Variants in KHDC1 observed in about 807,000 individuals in gnomAD.
KHDC1 encodes KH domain containing 1.
In KHDC1, 21 loss-of-function variants were observed where a neutral mutation model predicts 24.7. The observed-to-expected ratio is 0.85, with a 90% CI of 0.60 to 1.23. The LOEUF (loss-of-function observed/expected upper bound fraction) is 1.23, where lower values mean the gene tolerates loss of function less well. Among genes scored for constraint, KHDC1 ranks in the 50% most tolerant of loss-of-function variants. The pLI, the probability that KHDC1 is intolerant of heterozygous loss-of-function variation, is 0.00. For synonymous variants in KHDC1, 98 were observed against 111.7 expected (o/e 0.88, Z 0.77); for missense variants, 274 against 298.5 (o/e 0.92, Z 0.61).
intron 2 of KHDC1, among the ~76,000 whole-genome samples, chr6:73,256,777 T>G (rs1302142465): frequency 6.6e-6 from 1 of 152,218 alleles, no homozygotes; most frequent in African/African-American, 2.4e-5. Context: ...GCTTTTAAGA[T>G]AAGTTTCAAT....
intron 2 of KHDC1, among the ~76,000 whole-genome samples, chr6:73,287,075 T>C (rs1051371118): frequency 3.3e-5 from 5 of 152,276 alleles, no homozygotes; most frequent in Admixed American, 1.3e-4. Flanking sequence ...AAAGTGAGTA[T>C]GCTATAGACT....
chr6:73,295,328 T>C (rs1430075204), intron 1 of KHDC1, among the ~76,000 whole-genome samples: 2 of 152,164 alleles, frequency 1.3e-5, no homozygotes, highest in African/African-American at 2.4e-5. Flanking sequence ...TCCTGCAGAC[T>C]CGAGAGCCAA....
At chr6:73,285,884 A>C (rs950329869) in intron 2 of KHDC1, among the ~76,000 whole-genome samples, 2 of 152,100 alleles carry the variant, frequency 1.3e-5, no homozygotes, top group African/African-American at 4.8e-5. Flanking sequence ...TAGCCACCAG[A>C]TGGAGCTCAA....
At chr6:73,290,788 G>C (rs1767634973) in intron 2 of KHDC1, 2 of 340,366 alleles carry the variant, frequency 5.9e-6, no homozygotes, top group Admixed American at 3.8e-5. Context: ...ACTGATTCTA[G>C]GGCTAACTAT....
At chr6:73,257,648 C>T (rs191871073) in intron 2 of KHDC1, among the ~76,000 whole-genome samples, 221 of 152,046 alleles carry the variant, frequency 1.5e-3, no homozygotes, top group Non-Finnish European at 2.6e-3. Flanking sequence ...CCACCTGCCT[C>T]GGCCTCCCAA....
chr6:73,309,907 C>G, exon 1 of KHDC1: 1 of 559,876 alleles, frequency 1.8e-6, no homozygotes, highest in Non-Finnish European at 3.0e-6. Flanking sequence ...GGTGGATTAA[C>G]GCGCCACCGC....
chr6:73,272,871 T>C (rs1433291607), intron 2 of KHDC1, among the ~76,000 whole-genome samples: 1 of 147,952 alleles, frequency 6.8e-6, no homozygotes, highest in Non-Finnish European at 1.5e-5. Flanking sequence ...TCTTTTTTTT[T>C]TTTTGGAGAT....
intron 1 of KHDC1, among the ~76,000 whole-genome samples, chr6:73,309,259 G>A (rs1768034844): frequency 6.6e-6 from 1 of 152,214 alleles, no homozygotes; most frequent in East Asian, 1.9e-4. Flanking sequence ...CCCCCTAGAG[G>A]AGCTGGCCTG....
chr6:73,301,998 T>A (rs1439514980), intron 1 of KHDC1, among the ~76,000 whole-genome samples: 1 of 152,030 alleles, frequency 6.6e-6, no homozygotes, highest in African/African-American at 2.4e-5. Context: ...TAGAAAAAAA[T>A]TCTGGAATGG....
At chr6:73,304,108 G>C (rs1175162920) in intron 1 of KHDC1, among the ~76,000 whole-genome samples, 2 of 152,038 alleles carry the variant, frequency 1.3e-5, no homozygotes, top group African/African-American at 4.8e-5. Context: ...GAACCCAGGA[G>C]GCGGAGGTTG....
chr6:73,273,460 T>C (rs1378561753), intron 2 of KHDC1, among the ~76,000 whole-genome samples: 1 of 148,866 alleles, frequency 6.7e-6, no homozygotes, highest in Non-Finnish European at 1.5e-5. Flanking sequence ...GAGCAACCAC[T>C]CCCAGCCTAA....
chr6:73,246,207 G>A (rs6904505), intron 2 of KHDC1, among the ~76,000 whole-genome samples: 1 of 151,824 alleles, frequency 6.6e-6, no homozygotes, highest in Non-Finnish European at 1.5e-5. Context: ...TTAAGCAGGC[G>A]CCTCCACCAC....
At chr6:73,270,880 C>T (rs1442226015) in intron 2 of KHDC1, among the ~76,000 whole-genome samples, 10 of 151,756 alleles carry the variant, frequency 6.6e-5, no homozygotes, top group African/African-American at 9.7e-5. Context: ...TTAGTAGAGA[C>T]GGGGTTTTAC....
chr6:73,278,178 AT>A (rs34114549), intron 2 of KHDC1, among the ~76,000 whole-genome samples: 26,125 of 131,416 alleles, frequency 0.2, 2,568 homozygotes, highest in African/African-American at 0.32. Flanking sequence ...CGCCTGGCCA[AT>A]TTTTTTTTTT....
At chr6:73,273,084 C>G (rs181824386) in intron 2 of KHDC1, among the ~76,000 whole-genome samples, 1 of 151,242 alleles carries the variant, frequency 6.6e-6, no homozygotes, top group African/African-American at 2.4e-5. Flanking sequence ...GTGGCGAACT[C>G]TTGACCTCAG....
chr6:73,250,605 A>G (rs1282402420), intron 2 of KHDC1, among the ~76,000 whole-genome samples: 1 of 152,264 alleles, frequency 6.6e-6, no homozygotes, highest in Non-Finnish European at 1.5e-5. Context: ...TTAGCATCCA[A>G]CTGGACCAGT....
At chr6:73,298,225 G>T (rs1429828989) in intron 1 of KHDC1, among the ~76,000 whole-genome samples, 1 of 151,934 alleles carries the variant, frequency 6.6e-6, no homozygotes, top group Admixed American at 6.6e-5. Context: ...TGGAGAGGAA[G>T]ATGACACAAT....
chr6:73,282,473 T>C (rs904295839), intron 2 of KHDC1, among the ~76,000 whole-genome samples: 2 of 152,064 alleles, frequency 1.3e-5, no homozygotes, highest in Admixed American at 6.6e-5. Context: ...AGGAACTTAG[T>C]TTATAGGTTA....
intron 1 of KHDC1, among the ~76,000 whole-genome samples, chr6:73,306,038 T>C (rs1767956232): frequency 6.6e-6 from 1 of 152,206 alleles, no homozygotes; most frequent in Non-Finnish European, 1.5e-5. Flanking sequence ...CAGGTACATA[T>C]GCATTTAGTG....
Sources: gnomAD v4.1 joint callset for allele counts (sites outside exome capture counted in the v4.1 genomes callset) on GRCh38, gnomAD v4.1.1 for gene constraint, MANE v1.5 for transcripts, NCBI Gene and HGNC (gene_info 2026-07-23, HGNC 2026-07-21) for gene names.